RYR2: variants seen among roughly 807,000 people sequenced by gnomAD.
RYR2 encodes cardiac muscle ryanodine receptor-calcium release channel.
In RYR2, 227 loss-of-function variants were observed where a neutral mutation model predicts 601.1. That is an observed-to-expected ratio of 0.38 (90% CI 0.34 to 0.42). RYR2 has a LOEUF of 0.42. Among genes scored for constraint, RYR2 ranks in the 10% least tolerant of loss-of-function variants. The pLI is 1.00. For synonymous variants in RYR2, 2,223 were observed against 2,175.1 expected, an observed-to-expected ratio of 1.02 and a Z score of -0.61; for missense variants, 4,646 against 6,156.5, an observed-to-expected ratio of 0.75 and a Z score of 8.21.
chr1:237,763,070 T>C (rs1292294426), intron 84 of RYR2, among the ~76,000 whole-genome samples: 9 of 152,222 alleles, frequency 5.9e-5, no homozygotes, highest in African/African-American at 2.2e-4. Context: ...CATCCTGTTA[T>C]TTTTTACATT....
chr1:237,262,868 A>G (rs1213029275), intron 1 of RYR2, among the ~76,000 whole-genome samples: 1 of 152,136 alleles, frequency 6.6e-6, no homozygotes. Context: ...TGGAGGAGTA[A>G]GAGTTTAGGG....
intron 8 of RYR2, among the ~76,000 whole-genome samples, chr1:237,383,417 GTTTTTTT>G (rs10567644): frequency 4.0e-5 from 2 of 50,560 alleles, no homozygotes; most frequent in African/African-American, 7.4e-5. Context: ...CTTTTTTCTT[GTTTTTTT>G]TTTTTTTTTT....
At chr1:237,723,982 TA>T (rs1233214626) in intron 74 of RYR2, among the ~76,000 whole-genome samples, 1 of 151,822 alleles carries the variant, frequency 6.6e-6, no homozygotes, top group Non-Finnish European at 1.5e-5. Flanking sequence ...CACAGAGATA[TA>T]TTATCTATTT....
chr1:237,644,299 C>A (rs537183761), intron 48 of RYR2, among the ~76,000 whole-genome samples: 1 of 152,204 alleles, frequency 6.6e-6, no homozygotes, highest in East Asian at 1.9e-4. Flanking sequence ...GTGGCGCGAT[C>A]TTGGCTCACT....
In RYR2 at chr1:237,493,084, G is replaced by A; in HGVS notation, c.1958G>A (p.Ser653Asn). 1.2e-6 allele frequency: 2 copies of A among 1,613,588 alleles called. No individual in the cohort carries two copies. The highest frequency in any genetic ancestry group is 1.7e-6 in the Non-Finnish European group (2 of 1,179,776). ...LLQTRLVNHV[S>N]SMRPNIFLGV... is the part of the protein sequence containing the mutation. ...CAGACACGTCTTGTGAACCATGTCA[G>A]CAGGTAAATTCAGACAGACAATGTC... Residue 653 changes from serine (S) to asparagine (N), a missense_variant, in exon 19 of 105, where the codon AGC becomes AAC. Ser to Asn is a conservative substitution (Grantham distance 46). Coordinates refer to ENST00000366574, the MANE Select transcript of RYR2 (RefSeq NM_001035.3).
chr1:237,656,424 T>G (rs983406573), intron 53 of RYR2, among the ~76,000 whole-genome samples: 3 of 152,202 alleles, frequency 2.0e-5, no homozygotes, highest in Non-Finnish European at 4.4e-5. Context: ...GGCCCAGGGT[T>G]AACAGCTGAT....
intron 48 of RYR2, 24 bp from the exon 49 acceptor site, chr1:237,648,420 C>G: frequency 6.3e-7 from 1 of 1,577,084 alleles, no homozygotes; most frequent in Non-Finnish European, 8.6e-7. Flanking sequence ...GCCATTGACA[C>G]CAAAATTCAC....
chr1:237,422,964 A>T, intron 11 of RYR2, 128 bp from the exon 12 acceptor site: 1 of 1,047,424 alleles, frequency 9.5e-7, no homozygotes, highest in African/African-American at 1.6e-5. Context: ...TAATATCACT[A>T]ATATCCTAAG....
At chr1:237,687,934 C>T (rs909563222) in intron 63 of RYR2, among the ~76,000 whole-genome samples, 3 of 152,108 alleles carry the variant, frequency 2.0e-5, no homozygotes, top group African/African-American at 7.2e-5. Context: ...TGCATGTCTT[C>T]TGCATTCCAA....
intron 1 of RYR2, among the ~76,000 whole-genome samples, chr1:237,232,403 G>T (rs1021455489): frequency 6.6e-6 from 1 of 152,168 alleles, no homozygotes; most frequent in Non-Finnish European, 1.5e-5. Flanking sequence ...CTGTATGGCT[G>T]AACATGGGGG....
chr1:237,501,173 T>G (rs1194685246), intron 21 of RYR2, among the ~76,000 whole-genome samples: 1 of 94,640 alleles, frequency 1.1e-5, no homozygotes, highest in Non-Finnish European at 2.0e-5. Flanking sequence ...TTTCAAGGTG[T>G]TTTTTTTTTT....
chr1:237,648,340 T>C (rs1682381908), intron 48 of RYR2, 104 bp from the exon 49 acceptor site: 9 of 1,051,818 alleles, frequency 8.6e-6, no homozygotes, highest in South Asian at 4.9e-5. Context: ...AGCCATTTCA[T>C]TGAAAACTGT....
intron 8 of RYR2, among the ~76,000 whole-genome samples, chr1:237,386,549 GTA>G (rs1701971383): frequency 6.6e-6 from 1 of 152,194 alleles, no homozygotes; most frequent in Admixed American, 6.5e-5. Context: ...GTTGCTCTAT[GTA>G]TGTTTGAAAT....
chr1:237,756,413 G>A (rs533963322), intron 81 of RYR2, 26 bp downstream of exon 81: 15 of 1,458,322 alleles, frequency 1.0e-5, no homozygotes, highest in South Asian at 5.9e-5. Flanking sequence ...TTCCCCTCAC[G>A]AGTGTCTGTT....
At chr1:237,086,632 C>G (rs796541495) in intron 1 of RYR2, among the ~76,000 whole-genome samples, 4 of 152,222 alleles carry the variant, frequency 2.6e-5, no homozygotes, top group African/African-American at 9.6e-5. Flanking sequence ...CTTAACTAAT[C>G]CAAGCCAGGG....
rs368350144 is a variant in RYR2 at position 237,674,234 on chromosome 1, A to G, written c.8714+15A>G. ...GCTGTATCCAGGTAAAAGTACACAT[A>G]CCCTAAGTACACACTCTTTTCACAA... On this transcript the variant is annotated intron_variant, in intron 59 of 104. Coordinates refer to ENST00000366574, the MANE Select transcript of RYR2 (RefSeq NM_001035.3). The G allele has an allele frequency of 1.3e-6, 2 of 1,590,122 alleles. No individual in the cohort carries two copies. The highest frequency in any genetic ancestry group is 1.7e-6 in the Non-Finnish European group (2 of 1,159,576).
chr1:237,340,999 A>T (rs897088543), intron 3 of RYR2, among the ~76,000 whole-genome samples: 1 of 152,198 alleles, frequency 6.6e-6, no homozygotes, highest in Non-Finnish European at 1.5e-5. Flanking sequence ...GAAGCCAAGG[A>T]TATTCCATAT....
intron 17 of RYR2, among the ~76,000 whole-genome samples, chr1:237,479,240 C>T (rs1033155616): frequency 6.6e-6 from 1 of 152,168 alleles, no homozygotes; most frequent in Non-Finnish European, 1.5e-5. Flanking sequence ...TTGTATTTCA[C>T]CCTACACATA....
At chr1:237,304,674 A>G (rs1473395826) in intron 2 of RYR2, among the ~76,000 whole-genome samples, 1 of 152,246 alleles carries the variant, frequency 6.6e-6, no homozygotes, top group Non-Finnish European at 1.5e-5. Flanking sequence ...ATATGTATTA[A>G]TCTTACATAT....
Sources: allele counts gnomAD v4.1 joint callset (sites outside exome capture counted in the v4.1 genomes callset), GRCh38; gene constraint gnomAD v4.1.1; transcripts MANE v1.5; gene names NCBI Gene and HGNC (gene_info 2026-07-23, HGNC 2026-07-21).